SYTL2: variants seen among roughly 807,000 people sequenced by gnomAD.
SYTL2 encodes the protein synaptotagmin like 2.
Under a neutral mutation model 198.7 loss-of-function variants are expected in SYTL2, and 165 were observed. The observed-to-expected ratio is 0.83, with a 90% CI of 0.73 to 0.94. The LOEUF is 0.94. Ranked by LOEUF, SYTL2 falls within the 40% of genes least tolerant of loss-of-function variation. The probability of loss-of-function intolerance (pLI) is 0.00; values close to 1 mark genes in which losing one functional copy is unlikely to be tolerated. For synonymous variants in SYTL2, 966 were observed against 917.7 expected (o/e 1.05, Z -0.95); for missense variants, 2,835 against 2,582.8 (o/e 1.10, Z -2.12).
rs1224441067 is a variant in SYTL2 at position 85,734,307 on chromosome 11, T to C, written c.1022A>G (p.Glu341Gly). The C allele has an allele frequency of 6.2e-7, 1 of 1,614,092 alleles. No homozygotes were observed. Among genetic ancestry groups the C allele is most frequent in the Non-Finnish European group, 8.5e-7 (1 of 1,180,024 alleles). ...KHVRFSAVKDELPQSPGLIHG... is the reference protein window; with the variant it reads ...KHVRFSAVKDGLPQSPGLIHG... ...GATTAGCCCAGGACTCTGTGGAAGC[T>C]CATCCTTCACTGCAGAGAATCTCAC... Residue 341 changes from glutamate (E) to glycine (G), a missense_variant, in exon 7 of 20, where the codon GAG (glutamate) becomes GGG (glycine). By Grantham distance (98) the Glu-to-Gly change is moderately conservative (BLOSUM62 -2). Transcript: ENST00000359152.
chr11:85,779,243 A>G (rs1251571934), intron 1 of SYTL2, among the ~76,000 whole-genome samples: 1 of 152,194 alleles, frequency 6.6e-6, no homozygotes, highest in Non-Finnish European at 1.5e-5. Context: ...TCCCTTTGCC[A>G]TAGAAGAGTG....
chr11:85,733,918 T>A (rs2153487403), intron 7 of SYTL2, 21 bp downstream of exon 7: 1 of 1,608,088 alleles, frequency 6.2e-7, no homozygotes, highest in East Asian at 2.2e-5. Flanking sequence ...TTTTATAATC[T>A]AGTAGTGACA....
At chr11:85,822,691 TA>T in the SYTL2 span, among the ~76,000 whole-genome samples, 44 of 152,178 alleles carry the variant, frequency 2.9e-4, no homozygotes, top group South Asian at 6.2e-4. Context: ...AAGTAGTAGA[TA>T]AAGACAAGAA....
At chr11:85,698,699 T>C (rs1565839258) in intron 17 of SYTL2, among the ~76,000 whole-genome samples, 1 of 152,104 alleles carries the variant, frequency 6.6e-6, no homozygotes, top group Non-Finnish European at 1.5e-5. Context: ...GCCACCACAC[T>C]TGGCTAATTT....
the SYTL2 span, among the ~76,000 whole-genome samples, chr11:85,831,131 A>T: frequency 2.0e-5 from 3 of 152,244 alleles, no homozygotes; most frequent in Non-Finnish European, 4.4e-5. Context: ...GCAGAAATAC[A>T]GACTATTGAG....
intron 1 of SYTL2, among the ~76,000 whole-genome samples, chr11:85,788,130 T>A (rs573312311): frequency 6.6e-6 from 1 of 152,142 alleles, no homozygotes; most frequent in Non-Finnish European, 1.5e-5. Flanking sequence ...CAGGGTCCAG[T>A]TTTTAAAGAC....
At chr11:85,722,137 T>C (rs2088406183) in intron 8 of SYTL2, among the ~76,000 whole-genome samples, 1 of 151,974 alleles carries the variant, frequency 6.6e-6, no homozygotes. Flanking sequence ...GGCTTGTTAT[T>C]CTAAAATGTC....
Position 85,725,896 on chromosome 11 carries a change from T to G in SYTL2, c.3462A>C (p.Lys1154Asn). ...STPAIQPSGG[K>N]VHGKQVLEPS... ...GTTCAAGCACTTGTTTTCCATGAAC[T>G]TTTCCACCAGAGGGTTGAATTGCTG... Residue 1154 changes from lysine to asparagine, a missense_variant, in exon 8 of 20, where the codon AAA becomes AAC. Lys to Asn is a moderately conservative substitution (Grantham distance 94, BLOSUM62 0). Transcript: ENST00000359152. The G allele has an allele frequency of 6.2e-7, 1 of 1,613,868 alleles. No homozygotes were observed. Among genetic ancestry groups the G allele is most frequent in the South Asian group, 1.1e-5 (1 of 90,938 alleles).
At position 85,698,168 on chromosome 11, in the gene SYTL2, A is replaced by G. The variant is rs116094184; in HGVS notation, c.6269-90T>C. On this transcript the variant is annotated intron_variant, in intron 17 of 19. Transcript: ENST00000359152. ...GATGTCAGCCTAAAAATGTTCTGGCATGGAGATACTAGCTAGTATTTGATG... is the reference window on the plus strand; with the variant it reads ...GATGTCAGCCTAAAAATGTTCTGGCGTGGAGATACTAGCTAGTATTTGATG... 7.6e-4 allele frequency: 605 copies of G among 799,126 alleles called. 3 individuals carry two copies. The African/African-American group carries it at 9.4e-3, about 12-fold the overall frequency. The allele number at this position is 799,126 out of a possible 1,614,324, so 49.5% of individuals were successfully genotyped here.
chr11:85,730,528 C>T (rs879167240), intron 7 of SYTL2, among the ~76,000 whole-genome samples: 2 of 152,022 alleles, frequency 1.3e-5, no homozygotes, highest in African/African-American at 2.4e-5. Flanking sequence ...AAAAGGCCTT[C>T]GAAAAAATTC....
chr11:85,754,684 T>C (rs1208016872), intron 2 of SYTL2, among the ~76,000 whole-genome samples: 1 of 152,166 alleles, frequency 6.6e-6, no homozygotes, highest in Admixed American at 6.5e-5. Flanking sequence ...TGAATTTAAA[T>C]GTAGTATTAT....
chr11:85,779,376 A>C (rs2153598004), intron 1 of SYTL2, among the ~76,000 whole-genome samples: 1 of 152,316 alleles, frequency 6.6e-6, no homozygotes, highest in South Asian at 2.1e-4. Context: ...GAACACTTAC[A>C]CGGGCTATCT....
chr11:85,709,409 GACTCC>G lies in SYTL2; in HGVS notation c.5832_5836del (p.Glu1945ThrfsTer12). 6.2e-7 allele frequency: 1 copy of G among 1,614,104 alleles called. No homozygotes were observed. The highest frequency in any genetic ancestry group is 2.2e-5 in the East Asian group (1 of 44,868). ...CACAAAAACATGCAACTCCTTCAGT[GACTCC>G]ACATATTCAATTGCAAACTGAATAT... On this transcript the variant is annotated frameshift_variant, in exon 14 of 20. Transcript: ENST00000359152. LOFTEE classifies it high-confidence loss of function.
rs774156571 is a variant in SYTL2, at chr11:85,725,102, G to A, written c.4256C>T (p.Pro1419Leu). Reference protein sequence around the residue: ...SPLNPPGVISPWATMDTIVPD... With the variant: ...SPLNPPGVISLWATMDTIVPD... ...AACTATGGTGTCCATCGTAGCCCAT[G>A]GTGATATCACTCCTGGAGGATTTAG... The change falls in exon 8 of 20, where the codon CCA becomes CTA. Residue 1419 changes from proline (P) to leucine (L), a missense_variant. Around this residue, in one of 3 missense-constraint regions of SYTL2, gnomAD observed 2,645 missense variants for 2,381.7 expected, o/e 1.11. Coordinates refer to ENST00000359152, the MANE Select transcript of SYTL2 (RefSeq NM_206927.4). 3 of 1,614,106 alleles carry A rather than the reference G, an allele frequency of 1.9e-6. No individual in the cohort carries two copies. In the East Asian group the frequency reaches 6.7e-5, roughly 36 times the overall value.
chr11:85,853,817 AAAAAAT>A, the SYTL2 span: 21,380 of 151,154 alleles, frequency 0.14, 1,798 homozygotes, highest in Middle Eastern at 0.2. Flanking sequence ...GTTAAGCTGT[AAAAAAT>A]AAAAATAAAA....
In SYTL2 at chr11:85,737,453, C is replaced by T; in HGVS notation, c.471+122G>A. ...TGACTTCTTAAAATAGTGAAAATTA[C>T]CTGTATTTGGTACCAAAAAACTGTA... On this transcript the variant is annotated intron_variant, in intron 5 of 19. Coordinates refer to ENST00000359152, the MANE Select transcript of SYTL2 (RefSeq NM_206927.4). The T allele has an allele frequency of 8.5e-6, 6 of 709,188 alleles. No homozygotes were observed. The South Asian group carries it at 1.1e-4, about 13-fold the overall frequency. The allele number at this position is 709,188 out of a possible 1,614,324, so 43.9% of individuals were successfully genotyped here. A position where few individuals can be genotyped will look rare whatever the true frequency, so the allele number is the denominator to read the frequency against.
the SYTL2 span, among the ~76,000 whole-genome samples, chr11:85,840,327 C>T: frequency 6.6e-6 from 1 of 152,122 alleles, no homozygotes. Context: ...CTTTGCTTGC[C>T]TGTGCTTGTG....
Position 85,717,392 on chromosome 11 carries a change from T to C in SYTL2, c.5530+91A>G. ...GCAGGAGTTTAGTGCCAATAATAAA[T>C]ACTGTGTTATTAATGGGGTTAGTTA... On this transcript the variant is annotated intron_variant, in intron 11 of 19. Transcript: ENST00000359152. 5 of 1,085,984 alleles carry C rather than the reference T, an allele frequency of 4.6e-6. No individual in the cohort carries two copies. In the South Asian group the frequency reaches 5.2e-5, roughly 11 times the overall value. 67.3% of individuals were successfully genotyped at this position (1,085,984 alleles called of 1,614,324 possible). A position where few individuals can be genotyped will look rare whatever the true frequency, so the allele number is the denominator to read the frequency against.
intron 16 of SYTL2, among the ~76,000 whole-genome samples, chr11:85,702,786 A>G (rs1437213728): frequency 2.0e-5 from 3 of 152,194 alleles, no homozygotes; most frequent in Non-Finnish European, 4.4e-5. Context: ...CGGGCATACC[A>G]AGACAAAGAA....
Sources: allele counts gnomAD v4.1 joint callset (sites outside exome capture counted in the v4.1 genomes callset), GRCh38; gene constraint gnomAD v4.1.1; regional missense constraint gnomAD v4.1.1; transcripts MANE v1.5; gene names NCBI Gene and HGNC (gene_info 2026-07-23, HGNC 2026-07-21).